The following ARB2A variants were observed in gnomAD, a reference collection of about 807,000 sequenced individuals.
ARB2A encodes the protein cotranscriptional regulator ARB2A.
the ARB2A span, among the ~76,000 whole-genome samples, chr5:93,912,075 T>A: frequency 1.3e-5 from 2 of 151,766 alleles, no homozygotes; most frequent in Non-Finnish European, 2.9e-5. Flanking sequence ...AGTTTTCATG[T>A]TCAGACTAAA....
the ARB2A span, among the ~76,000 whole-genome samples, chr5:93,867,457 C>T: frequency 1.4e-4 from 21 of 152,182 alleles, no homozygotes; most frequent in Non-Finnish European, 2.4e-4. Context: ...CTCGCTCTGT[C>T]GCCAGGCTGG....
chr5:94,022,209 A>G, the ARB2A span, among the ~76,000 whole-genome samples: 1 of 152,298 alleles, frequency 6.6e-6, no homozygotes, highest in Admixed American at 6.5e-5. Context: ...AATAACAATT[A>G]TTATTATTAT....
the ARB2A span, among the ~76,000 whole-genome samples, chr5:93,768,327 T>C: frequency 1.1e-4 from 16 of 151,416 alleles, no homozygotes; most frequent in Admixed American, 1.1e-3. Flanking sequence ...AAATACTACC[T>C]GTACCCCAAT....
the ARB2A span, among the ~76,000 whole-genome samples, chr5:93,944,352 T>C: frequency 6.6e-6 from 1 of 152,082 alleles, no homozygotes; most frequent in African/African-American, 2.4e-5. Flanking sequence ...TTCCAGCACT[T>C]TGGAAGGCTG....
the ARB2A span, among the ~76,000 whole-genome samples, chr5:93,965,937 T>C: frequency 2.6e-5 from 4 of 152,030 alleles, no homozygotes; most frequent in South Asian, 8.3e-4. Context: ...TGGCTGGTAA[T>C]GGTAATTTCA....
chr5:93,699,551 G>A, the ARB2A span, among the ~76,000 whole-genome samples: 1 of 151,934 alleles, frequency 6.6e-6, no homozygotes, highest in Non-Finnish European at 1.5e-5. Context: ...GATAAGTGGA[G>A]AACAATCTCC....
At chr5:94,059,116 G>A in the ARB2A span, among the ~76,000 whole-genome samples, 1 of 151,630 alleles carries the variant, frequency 6.6e-6, no homozygotes, top group Admixed American at 6.6e-5. Flanking sequence ...AAATTACCCA[G>A]TCTCAAGCAT....
the ARB2A span, among the ~76,000 whole-genome samples, chr5:93,696,913 T>G: frequency 8.6e-5 from 13 of 151,782 alleles, no homozygotes; most frequent in East Asian, 2.5e-3. Context: ...AATACAAAAA[T>G]TAGCCAAGCA....
chr5:93,997,529 G>A, the ARB2A span, among the ~76,000 whole-genome samples: 6 of 152,032 alleles, frequency 3.9e-5, no homozygotes, highest in Admixed American at 6.6e-5. Flanking sequence ...CTTAGCAATC[G>A]AAACCCACAC....
the ARB2A span, among the ~76,000 whole-genome samples, chr5:93,944,894 A>G: frequency 6.6e-6 from 1 of 152,164 alleles, no homozygotes; most frequent in Admixed American, 6.5e-5. Context: ...CCAGAAGGAT[A>G]AAATGACTTA....
At chr5:93,637,795 G>A in the ARB2A span, among the ~76,000 whole-genome samples, 6 of 152,180 alleles carry the variant, frequency 3.9e-5, no homozygotes, top group Non-Finnish European at 7.3e-5. Flanking sequence ...CCAAAGAGAG[G>A]TCTGGCCTTT....
chr5:93,850,132 T>C, the ARB2A span, among the ~76,000 whole-genome samples: 1 of 152,192 alleles, frequency 6.6e-6, no homozygotes, highest in Admixed American at 6.5e-5. Context: ...AACCCTACAG[T>C]AATTTTTATA....
the ARB2A span, among the ~76,000 whole-genome samples, chr5:93,754,763 A>G: frequency 6.6e-6 from 1 of 152,226 alleles, no homozygotes; most frequent in Admixed American, 6.5e-5. Flanking sequence ...AATTTTATCT[A>G]ACTGCTACCA....
At chr5:94,000,436 T>C in the ARB2A span, among the ~76,000 whole-genome samples, 1 of 152,124 alleles carries the variant, frequency 6.6e-6, no homozygotes, top group Admixed American at 6.6e-5. Context: ...TCTTTTCATA[T>C]GTTTATTTTC....
At chr5:93,883,741 A>C in the ARB2A span, among the ~76,000 whole-genome samples, 1 of 151,554 alleles carries the variant, frequency 6.6e-6, no homozygotes, top group African/African-American at 2.4e-5. Flanking sequence ...GGTGAAATAG[A>C]GGCATTCAGT....
chr5:93,799,577 A>C, the ARB2A span, among the ~76,000 whole-genome samples: 1 of 152,132 alleles, frequency 6.6e-6, no homozygotes, highest in African/African-American at 2.4e-5. Context: ...TCAGGATCTG[A>C]AATTAACTTT....
At chr5:93,764,677 C>A in the ARB2A span, among the ~76,000 whole-genome samples, 1 of 152,164 alleles carries the variant, frequency 6.6e-6, no homozygotes, top group Non-Finnish European at 1.5e-5. Context: ...AAGAGGGAAT[C>A]CTCCCTAACT....
the ARB2A span, among the ~76,000 whole-genome samples, chr5:93,679,298 AT>A: frequency 6.6e-6 from 1 of 151,846 alleles, no homozygotes. Flanking sequence ...AAAAAAAAAA[AT>A]CTTAGTGAAG....
At chr5:93,941,183 A>G in the ARB2A span, among the ~76,000 whole-genome samples, 3 of 152,098 alleles carry the variant, frequency 2.0e-5, no homozygotes, top group Non-Finnish European at 2.9e-5. Context: ...AGCATTGATT[A>G]TAACTGCAGG....
Sources: allele counts gnomAD v4.1 joint callset (sites outside exome capture counted in the v4.1 genomes callset), GRCh38; gene constraint gnomAD v4.1.1; transcripts MANE v1.5; gene names NCBI Gene and HGNC (gene_info 2026-07-23, HGNC 2026-07-21).